The following GUCY1A2 variants were observed in gnomAD, a reference collection of about 807,000 sequenced individuals.
GUCY1A2 encodes the protein guanylate cyclase 1 soluble subunit alpha 2, also known as guanylate cyclase soluble subunit alpha-2.
In GUCY1A2, 27 loss-of-function variants were observed where a neutral mutation model predicts 63.5. That is an observed-to-expected ratio of 0.43 (90% CI 0.31 to 0.59). The LOEUF is 0.59. Among genes scored for constraint, GUCY1A2 ranks in the 20% least tolerant of loss-of-function variants. The pLI is 0.11. For synonymous variants in GUCY1A2, 364 were observed against 343.5 expected (o/e 1.06, Z -0.66); for missense variants, 768 against 913.3 (o/e 0.84, Z 2.05).
At chr11:106,694,843 G>A (rs1286150929) in intron 7 of GUCY1A2, among the ~76,000 whole-genome samples, 1 of 152,098 alleles carries the variant, frequency 6.6e-6, no homozygotes, top group Non-Finnish European at 1.5e-5. Context: ...CTTAGAACCT[G>A]ATTTTTATCT....
At chr11:106,884,918 A>T (rs936979692) in intron 4 of GUCY1A2, among the ~76,000 whole-genome samples, 26 of 152,276 alleles carry the variant, frequency 1.7e-4, no homozygotes, top group African/African-American at 5.8e-4. Context: ...TCTTTTCAAA[A>T]GAGGTAGCTC....
In GUCY1A2 at chr11:106,902,909, C is replaced by G. The variant is rs1266638351; in HGVS notation, c.1206+36551G>C. ...ATTTTACAGCAAGAACTTGAGCATCCGTGGATTTTGGCACCCATGGGAGGC... is the reference window on the plus strand; with the variant it reads ...ATTTTACAGCAAGAACTTGAGCATCGGTGGATTTTGGCACCCATGGGAGGC... On this transcript the variant is annotated intron_variant, in intron 4 of 7. Coordinates refer to ENST00000526355, the MANE Select transcript of GUCY1A2 (RefSeq NM_000855.3). Among the ~76,000 whole-genome samples the G allele has an allele frequency of 7.9e-5, 12 of 152,176 alleles. No individual in the cohort carries two copies. The East Asian group carries it at 2.3e-3, about 29-fold the overall frequency.
At chr11:106,980,306 C>T (rs1026312120) in intron 2 of GUCY1A2, among the ~76,000 whole-genome samples, 1 of 152,154 alleles carries the variant, frequency 6.6e-6, no homozygotes, top group Non-Finnish European at 1.5e-5. Flanking sequence ...AGCAAGACCA[C>T]GAGAGTGAAG....
intron 5 of GUCY1A2, among the ~76,000 whole-genome samples, chr11:106,778,339 C>T (rs886138164): frequency 6.6e-6 from 1 of 152,194 alleles, no homozygotes; most frequent in African/African-American, 2.4e-5. Context: ...AGCACTTCCA[C>T]ATCTTTCTGC....
intron 4 of GUCY1A2, among the ~76,000 whole-genome samples, chr11:106,916,869 T>A (rs1400294195): frequency 6.9e-6 from 1 of 145,678 alleles, no homozygotes; most frequent in African/African-American, 2.4e-5. Flanking sequence ...ATTATCATGA[T>A]ATAAAAAATT....
intron 4 of GUCY1A2, among the ~76,000 whole-genome samples, chr11:106,902,647 T>G (rs1053877197): frequency 6.6e-6 from 1 of 152,212 alleles, no homozygotes. Context: ...AAAGTATTTA[T>G]AATCGGCCAT....
rs1414262645 is a variant in GUCY1A2, at chr11:106,857,070, A to AT, written c.1207-46593dup. Among the ~76,000 whole-genome samples, 9 of 152,214 alleles carry AT rather than the reference A, an allele frequency of 5.9e-5. No homozygotes were observed. In the East Asian group the frequency reaches 1.7e-3, roughly 29 times the overall value. ...TATGTCCAAACCTAGCATTAAGTGA[A>AT]TTAACTTCCTCATTTCTATAACCTT... On this transcript the variant is annotated intron_variant, in intron 4 of 7. Transcript: ENST00000526355.
intron 3 of GUCY1A2, among the ~76,000 whole-genome samples, chr11:106,965,926 T>TAAA (rs5794511): frequency 0.014 from 2,022 of 145,918 alleles, 29 homozygotes; most frequent in South Asian, 0.047. Context: ...AAGTGAAGGT[T>TAAA]AAAAAAAAAA....
At chr11:106,978,506 T>A in intron 3 of GUCY1A2, 113 bp downstream of exon 3, 2 of 643,890 alleles carry the variant, frequency 3.1e-6, no homozygotes, top group South Asian at 2.8e-5. Context: ...GGTCTGGGTC[T>A]CAACTTGCCA....
chr11:106,706,167 C>T (rs980138522), intron 7 of GUCY1A2, among the ~76,000 whole-genome samples: 4 of 152,070 alleles, frequency 2.6e-5, no homozygotes, highest in Non-Finnish European at 4.4e-5. Context: ...CAGTCCACTT[C>T]CAAAGTTTAT....
At chr11:106,827,368 T>C in intron 4 of GUCY1A2, 2 of 1,553,838 alleles carry the variant, frequency 1.3e-6, no homozygotes, top group Non-Finnish European at 1.8e-6. Flanking sequence ...AGCTTTATCT[T>C]TAATGGCCCA....
chr11:106,686,323 C>T lies in GUCY1A2; in HGVS notation c.*1226G>A, dbSNP rs1246741775. ...TTACTAGTTCTGAAGATTATACCTA[C>T]TTCAGTATTCATGAAAGTGATTCAC... On this transcript the variant is annotated 3_prime_UTR_variant, in exon 8 of 8. Transcript: ENST00000526355. The T allele has an allele frequency of 4.6e-6, 1 of 219,562 alleles. No individual in the cohort carries two copies. Among genetic ancestry groups the T allele is most frequent in the Non-Finnish European group, 9.1e-6 (1 of 109,458 alleles). The allele number at this position is 219,562 out of a possible 1,614,324, so 13.6% of individuals were successfully genotyped here.
intron 4 of GUCY1A2, among the ~76,000 whole-genome samples, chr11:106,843,027 G>T (rs2135445176): frequency 6.6e-6 from 1 of 151,832 alleles, no homozygotes; most frequent in African/African-American, 2.4e-5. Flanking sequence ...TTCATTCAAG[G>T]GAGAAAAAGG....
chr11:106,807,075 C>T (rs1177981888), intron 5 of GUCY1A2, among the ~76,000 whole-genome samples: 1 of 152,040 alleles, frequency 6.6e-6, no homozygotes, highest in African/African-American at 2.4e-5. Flanking sequence ...TACCTGGCTT[C>T]CTTTCACATT....
intron 3 of GUCY1A2, among the ~76,000 whole-genome samples, chr11:106,954,212 T>C (rs1274008789): frequency 2.0e-5 from 3 of 152,210 alleles, no homozygotes; most frequent in Non-Finnish European, 4.4e-5. Context: ...TGGTATGTTG[T>C]CTCTTTGTCA....
At chr11:106,702,448 C>T (rs549754872) in intron 7 of GUCY1A2, among the ~76,000 whole-genome samples, 1 of 152,076 alleles carries the variant, frequency 6.6e-6, no homozygotes, top group Non-Finnish European at 1.5e-5. Context: ...GTATCTGTGT[C>T]TGAGGGCAGG....
At chr11:106,694,619 G>A (rs952881247) in intron 7 of GUCY1A2, among the ~76,000 whole-genome samples, 3 of 152,176 alleles carry the variant, frequency 2.0e-5, no homozygotes, top group African/African-American at 7.2e-5. Flanking sequence ...AAATGGCCCA[G>A]TACTGGTGAC....
chr11:106,801,859 C>A (rs1858608368), intron 5 of GUCY1A2, among the ~76,000 whole-genome samples: 1 of 152,056 alleles, frequency 6.6e-6, no homozygotes, highest in South Asian at 2.1e-4. Context: ...TATGTACCCA[C>A]AAAAATTGAA....
At chr11:106,724,236 G>C (rs1027190626) in intron 6 of GUCY1A2, among the ~76,000 whole-genome samples, 15 of 152,314 alleles carry the variant, frequency 9.8e-5, no homozygotes, top group African/African-American at 3.6e-4. Flanking sequence ...AGCAGTCTAA[G>C]GGCACATGGC....
Sources: gnomAD v4.1 joint callset for allele counts (sites outside exome capture counted in the v4.1 genomes callset) on GRCh38, gnomAD v4.1.1 for gene constraint, MANE v1.5 for transcripts, NCBI Gene and HGNC (gene_info 2026-07-23, HGNC 2026-07-21) for gene names.